Variants in HSD17B12 observed in about 807,000 individuals in gnomAD.
HSD17B12 encodes the protein very-long-chain 3-oxoacyl-CoA reductase.
A neutral mutation model predicts 39.3 loss-of-function variants in HSD17B12; 32 were observed. The ratio of observed to expected loss-of-function variants is 0.81; its 90% confidence interval spans 0.61 to 1.09. HSD17B12 has a LOEUF of 1.09. HSD17B12 is among the 50% of genes least tolerant of loss of function. The pLI, the probability that HSD17B12 is intolerant of heterozygous loss-of-function variation, is 0.00. For synonymous variants in HSD17B12, 150 were observed against 146.7 expected (o/e 1.02, Z -0.16); for missense variants, 342 against 382.9 (o/e 0.89, Z 0.89).
the HSD17B12 span, among the ~76,000 whole-genome samples, chr11:43,608,901 C>G: frequency 6.6e-6 from 1 of 152,074 alleles, no homozygotes; most frequent in Non-Finnish European, 1.5e-5. Flanking sequence ...GGTTTAGAAT[C>G]TCAAAATTGA....
intron 6 of HSD17B12, among the ~76,000 whole-genome samples, chr11:43,818,363 A>G (rs1951150210): frequency 6.6e-6 from 1 of 152,206 alleles, no homozygotes. Flanking sequence ...ACAAAAGACA[A>G]CAAGCCAATA....
chr11:43,674,707 G>T, the HSD17B12 span, among the ~76,000 whole-genome samples: 1 of 152,142 alleles, frequency 6.6e-6, no homozygotes, highest in Non-Finnish European at 1.5e-5. Context: ...GCCATATGCT[G>T]TGATAGTTGC....
chr11:43,586,522 G>A, the HSD17B12 span, among the ~76,000 whole-genome samples: 1 of 152,180 alleles, frequency 6.6e-6, no homozygotes, highest in Admixed American at 6.5e-5. Context: ...GCTTGACTGA[G>A]AGCTGTTAAG....
the HSD17B12 span, chr11:43,559,549 GA>G: frequency 2.6e-5 from 4 of 155,350 alleles, no homozygotes; most frequent in East Asian, 7.7e-4. Context: ...CTCTCCACAT[GA>G]GAACCCACGA....
chr11:43,822,366 G>A (rs1951191485), intron 6 of HSD17B12, among the ~76,000 whole-genome samples: 1 of 151,974 alleles, frequency 6.6e-6, no homozygotes. Flanking sequence ...AAGTTTTAGG[G>A]TACATGTGCA....
At chr11:43,631,363 C>A in the HSD17B12 span, among the ~76,000 whole-genome samples, 3 of 152,166 alleles carry the variant, frequency 2.0e-5, no homozygotes, top group Non-Finnish European at 4.4e-5. Flanking sequence ...CCAAACATTT[C>A]CCTTCAAAAT....
chr11:43,739,455 G>C (rs967277718), intron 1 of HSD17B12, among the ~76,000 whole-genome samples: 2 of 152,190 alleles, frequency 1.3e-5, no homozygotes, highest in Admixed American at 1.3e-4. Flanking sequence ...GGAAGTCCAA[G>C]ATCAAGGTGC....
the HSD17B12 span, among the ~76,000 whole-genome samples, chr11:43,647,148 C>T: frequency 6.6e-6 from 1 of 151,466 alleles, no homozygotes. Context: ...AAAATTTTCA[C>T]TTTAGACTGT....
rs1262613003 is a variant in HSD17B12 at position 43,840,071 on chromosome 11, G to C, written c.684+7G>C. 1.2e-6 allele frequency: 2 copies of C among 1,609,492 alleles called. No homozygotes were observed. Among genetic ancestry groups the C allele is most frequent in the East Asian group, 4.5e-5 (2 of 44,674 alleles). On this transcript the variant is annotated splice_region_variant and intron_variant, in intron 9 of 10. Transcript: ENST00000278353. ...CAAGGGCGTCTTTGTGCAGGTGAGT[G>C]GAGTTTGTTTCACTTAAGTATCCCT...
Position 43,855,266 on chromosome 11 carries a change from G to C in HSD17B12, c.*18G>C. The C allele has an allele frequency of 1.3e-6, 2 of 1,515,188 alleles. No homozygotes were observed. Among genetic ancestry groups the C allele is most frequent in the Non-Finnish European group, 1.8e-6 (2 of 1,102,682 alleles). 93.9% of individuals were successfully genotyped at this position (1,515,188 alleles called of 1,614,324 possible). On this transcript the variant is annotated 3_prime_UTR_variant, in exon 11 of 11. Transcript: ENST00000278353. ...AGAACTAAGCATTGATAACTGCATT[G>C]TAACTTGGCCAGATGCTCCAGCATA...
chr11:43,798,829 C>T (rs903175368), intron 4 of HSD17B12, among the ~76,000 whole-genome samples: 1 of 152,154 alleles, frequency 6.6e-6, no homozygotes, highest in African/African-American at 2.4e-5. Context: ...GTACCTAAAA[C>T]AATGCCTACA....
intron 4 of HSD17B12, among the ~76,000 whole-genome samples, chr11:43,810,623 C>G (rs541626403): frequency 3.4e-4 from 52 of 152,104 alleles, no homozygotes; most frequent in African/African-American, 1.2e-3. Context: ...TCTGTTTTCA[C>G]CTCTGTTCTC....
At chr11:43,754,534 C>T (rs1352032822) in intron 3 of HSD17B12, among the ~76,000 whole-genome samples, 1 of 152,096 alleles carries the variant, frequency 6.6e-6, no homozygotes, top group Admixed American at 6.5e-5. Context: ...CAAGATAGTC[C>T]CACTGCACTC....
At chr11:43,557,357 G>T in the HSD17B12 span, among the ~76,000 whole-genome samples, 1 of 152,128 alleles carries the variant, frequency 6.6e-6, no homozygotes, top group Non-Finnish European at 1.5e-5. Context: ...TATTTTGCAC[G>T]TGAAAATTTA....
the HSD17B12 span, among the ~76,000 whole-genome samples, chr11:43,577,417 C>A: frequency 2.6e-5 from 4 of 152,150 alleles, no homozygotes; most frequent in African/African-American, 9.7e-5. Context: ...TGAGCCAAGG[C>A]CCGGCGTTTC....
the HSD17B12 span, among the ~76,000 whole-genome samples, chr11:43,601,099 CTTTA>C: frequency 3.3e-5 from 5 of 149,910 alleles, no homozygotes; most frequent in African/African-American, 4.9e-5. Context: ...ATTTATTTAT[CTTTA>C]TTTATTTATT....
At chr11:43,574,624 C>T in the HSD17B12 span, among the ~76,000 whole-genome samples, 1 of 152,126 alleles carries the variant, frequency 6.6e-6, no homozygotes, top group South Asian at 2.1e-4. Context: ...TTCAGACACA[C>T]CCCACACACC....
the HSD17B12 span, among the ~76,000 whole-genome samples, chr11:43,659,186 C>G: frequency 7.9e-5 from 12 of 152,370 alleles, no homozygotes; most frequent in African/African-American, 2.9e-4. Context: ...GTAGGACCCT[C>G]TGAGCCATGT....
At chr11:43,606,298 G>C in the HSD17B12 span, among the ~76,000 whole-genome samples, 1 of 152,366 alleles carries the variant, frequency 6.6e-6, no homozygotes, top group South Asian at 2.1e-4. Context: ...CTGCACCCTA[G>C]TGGAATCTTA....
Sources: allele counts gnomAD v4.1 joint callset (sites outside exome capture counted in the v4.1 genomes callset), GRCh38; gene constraint gnomAD v4.1.1; transcripts MANE v1.5; gene names NCBI Gene and HGNC (gene_info 2026-07-23, HGNC 2026-07-21).